RCBTB1: variants seen among roughly 807,000 people sequenced by gnomAD.
RCBTB1 encodes RCC1 and BTB domain-containing protein 1.
In RCBTB1, 46 loss-of-function variants were observed where a neutral mutation model predicts 62.4. That is an observed-to-expected ratio of 0.74 (90% CI 0.58 to 0.94). The LOEUF (loss-of-function observed/expected upper bound fraction) is 0.94. RCBTB1 is among the 40% of genes least tolerant of loss of function. The probability of loss-of-function intolerance (pLI) is 0.00; values close to 1 mark genes in which losing one functional copy is unlikely to be tolerated. For missense variants in RCBTB1, 565 were observed against 654.9 expected (o/e 0.86, Z 1.50); for synonymous variants, 222 against 245.8 (o/e 0.90, Z 0.91).
chr13:49,540,756 A>G (rs907147505), intron 12 of RCBTB1, 120 bp downstream of exon 12: 1 of 1,081,466 alleles, frequency 9.2e-7, no homozygotes, highest in South Asian at 1.7e-5. Flanking sequence ...CAATGGGTTC[A>G]CTGATTCCCT....
chr13:49,554,045 T>C (rs889079917), intron 6 of RCBTB1, among the ~76,000 whole-genome samples: 3 of 152,144 alleles, frequency 2.0e-5, no homozygotes, highest in Admixed American at 6.5e-5. Flanking sequence ...TCAGCAGCCA[T>C]AATGATGGAA....
rs958338835 is a variant in RCBTB1, at chr13:49,534,296, CTTT to C, written c.1456-37_1456-35del. On this transcript the variant is annotated intron_variant, in intron 12 of 12. Coordinates refer to ENST00000378302, the MANE Select transcript of RCBTB1 (RefSeq NM_018191.4). ...ACAACAAAAATAAAAACAAAAATGG[CTTT>C]TTTAGGCAACTTTGATTGAATTACT... 6 of 1,597,950 alleles carry C rather than the reference CTTT, an allele frequency of 3.8e-6. No homozygotes were observed. The African/African-American group carries it at 6.7e-5, about 18-fold the overall frequency.
intron 10 of RCBTB1, among the ~76,000 whole-genome samples, chr13:49,543,568 A>T (rs569115236): frequency 6.6e-6 from 1 of 152,382 alleles, no homozygotes; most frequent in Admixed American, 6.5e-5. Context: ...CTAAATTTCC[A>T]AAAAGACTTG....
intron 5 of RCBTB1, among the ~76,000 whole-genome samples, chr13:49,558,345 C>T (rs772921266): frequency 9.2e-5 from 14 of 152,070 alleles, no homozygotes; most frequent in Non-Finnish European, 1.3e-4. Flanking sequence ...CTGGAACAAA[C>T]GGGTTGGAAA....
At chr13:49,551,531 C>A in intron 7 of RCBTB1, 63 bp from the exon 8 acceptor site, 2 of 1,583,748 alleles carry the variant, frequency 1.3e-6, no homozygotes, top group South Asian at 1.1e-5. Flanking sequence ...AGAACATCTA[C>A]TTAAAGGCTA....
At chr13:49,538,756 T>C (rs1960114225) in intron 12 of RCBTB1, among the ~76,000 whole-genome samples, 1 of 112,682 alleles carries the variant, frequency 8.9e-6, no homozygotes, top group South Asian at 2.6e-4. Context: ...AATATATATA[T>C]ATACACACAC....
Position 49,567,241 on chromosome 13 carries a change from G to A in RCBTB1, c.39C>T (p.Leu13=). Residue 13 remains leucine, a synonymous_variant, in exon 3 of 13, where the codon CTC becomes CTT. Coordinates refer to ENST00000378302, the MANE Select transcript of RCBTB1 (RefSeq NM_018191.4). The part of the protein sequence containing the change: ...DVGKWPIFTL[L]SPQEIASIRK... ...GAATAGACGCGATCTCTTGAGGGGA[G>A]AGTAGAGTGAAGATGGGCCACTTTC... 1 of 1,614,030 alleles carries A rather than the reference G, an allele frequency of 6.2e-7. No individual in the cohort carries two copies. The highest frequency in any genetic ancestry group is 8.5e-7 in the Non-Finnish European group (1 of 1,179,970).
chr13:49,542,130 C>G (rs570178529), intron 10 of RCBTB1, among the ~76,000 whole-genome samples: 1 of 151,736 alleles, frequency 6.6e-6, no homozygotes, highest in African/African-American at 2.4e-5. Context: ...AGGAGAATCG[C>G]TTGAACCCGG....
intron 11 of RCBTB1, 32 bp downstream of exon 11, chr13:49,541,644 G>A (rs201662457): frequency 4.6e-5 from 72 of 1,578,792 alleles, no homozygotes; most frequent in African/African-American, 8.2e-5. Flanking sequence ...TCTCCACCAT[G>A]CGGCTCGTCC....
chr13:49,562,626 G>A (rs900078307), intron 4 of RCBTB1, among the ~76,000 whole-genome samples: 1 of 151,612 alleles, frequency 6.6e-6, no homozygotes, highest in African/African-American at 2.4e-5. Context: ...TTTGAGATGG[G>A]GTCTCACTCT....
In RCBTB1 at chr13:49,559,997, C is replaced by CA. The variant is rs1437353033; in HGVS notation, c.364dup (p.Cys122LeufsTer25). On this transcript the variant is annotated frameshift_variant, in exon 5 of 13. Transcript: ENST00000378302. LOFTEE classifies it high-confidence loss of function. ...CACTTGCTTGATCAAGAGATTGGTACAGACCTGGACGGGAGCAATGCCTTG... is the reference window on the plus strand; with the variant it reads ...CACTTGCTTGATCAAGAGATTGGTACAAGACCTGGACGGGAGCAATGCCTTG... 1.9e-6 allele frequency: 3 copies of CA among 1,614,188 alleles called. No individual in the cohort carries two copies. In the Admixed American group the frequency reaches 5.0e-5, roughly 27 times the overall value.
chr13:49,552,534 G>C (rs1462690363), intron 6 of RCBTB1, among the ~76,000 whole-genome samples: 1 of 152,112 alleles, frequency 6.6e-6, no homozygotes, highest in Admixed American at 6.6e-5. Context: ...TAATACATGA[G>C]GAAGTTGAGC....
chr13:49,564,674 G>A (rs1354028864), intron 4 of RCBTB1, among the ~76,000 whole-genome samples: 7 of 150,250 alleles, frequency 4.7e-5, no homozygotes, highest in Non-Finnish European at 7.4e-5. Flanking sequence ...GGCGGATCAC[G>A]AGGTCAGGAG....
chr13:49,559,643 G>A (rs1001967505), intron 5 of RCBTB1, among the ~76,000 whole-genome samples: 15 of 119,270 alleles, frequency 1.3e-4, no homozygotes, highest in African/African-American at 3.1e-4. Context: ...GCGACAGAGC[G>A]AGACTCCATC....
At position 49,551,207 on chromosome 13, in the gene RCBTB1, T is replaced by C; in HGVS notation, c.854+119A>G. 3 of 1,218,734 alleles carry C rather than the reference T, an allele frequency of 2.5e-6. No homozygotes were observed. In the South Asian group the frequency reaches 4.5e-5, roughly 18 times the overall value. 75.5% of individuals were successfully genotyped at this position (1,218,734 alleles called of 1,614,324 possible). On this transcript the variant is annotated intron_variant, in intron 8 of 12. Coordinates refer to ENST00000378302, the MANE Select transcript of RCBTB1 (RefSeq NM_018191.4). Reference sequence around the variant, plus strand: ...GGAGAAGGGAAGGTTATCTCTTTTGTCCAAAATGAGAATGTTAATAAACAG... The same window carrying C: ...GGAGAAGGGAAGGTTATCTCTTTTGCCCAAAATGAGAATGTTAATAAACAG...
intron 2 of RCBTB1, among the ~76,000 whole-genome samples, chr13:49,571,369 C>G (rs972710571): frequency 1.3e-5 from 2 of 152,140 alleles, no homozygotes; most frequent in African/African-American, 4.8e-5. Context: ...AGTATCCACT[C>G]TCCCAATAAA....
chr13:49,582,395 G>A (rs1483094621), intron 1 of RCBTB1, among the ~76,000 whole-genome samples: 2 of 152,200 alleles, frequency 1.3e-5, no homozygotes, highest in Non-Finnish European at 2.9e-5. Flanking sequence ...CCTGAGGCAG[G>A]AGAATCGCTT....
In RCBTB1 at chr13:49,566,606, T is replaced by G. The variant is rs538899810; in HGVS notation, c.277+12A>C. 16 of 1,609,298 alleles carry G rather than the reference T, an allele frequency of 9.9e-6. No homozygotes were observed. Among genetic ancestry groups the G allele is most frequent in the Admixed American group, 1.7e-5 (1 of 59,048 alleles). On this transcript the variant is annotated intron_variant, in intron 4 of 12. Coordinates refer to ENST00000378302, the MANE Select transcript of RCBTB1 (RefSeq NM_018191.4). ...CTTACAAACTGAAAAGTTAGATGGG[T>G]TCCCTCCTTACCTTCGGTGCTGAGA...
chr13:49,540,629 AG>A (rs1960269657), intron 12 of RCBTB1, among the ~76,000 whole-genome samples: 1 of 152,268 alleles, frequency 6.6e-6, no homozygotes, highest in Non-Finnish European at 1.5e-5. Flanking sequence ...TCCAACCTGC[AG>A]CACAGCTGCT....
Sources: allele counts gnomAD v4.1 joint callset (sites outside exome capture counted in the v4.1 genomes callset), GRCh38; gene constraint gnomAD v4.1.1; transcripts MANE v1.5; gene names NCBI Gene and HGNC (gene_info 2026-07-23, HGNC 2026-07-21).